TFPT: variants seen among roughly 807,000 people sequenced by gnomAD.
The protein encoded by TFPT is INO80 complex subunit F.
In TFPT, 27 loss-of-function variants were observed where a neutral mutation model predicts 28.8. The ratio of observed to expected loss-of-function variants is 0.94; its 90% CI spans 0.69 to 1.29. The LOEUF is 1.29. Among genes scored for constraint, TFPT ranks in the 50% most tolerant of loss-of-function variants. The probability of loss-of-function intolerance (pLI) is 0.00; values close to 1 mark genes in which losing one functional copy is unlikely to be tolerated. For missense variants in TFPT, 330 were observed against 338.0 expected, an observed-to-expected ratio of 0.98 and a Z score of 0.19; for synonymous variants, 152 against 142.8, an observed-to-expected ratio of 1.06 and a Z score of -0.46.
chr19:54,112,488 T>C (rs2073483283), intron 2 of TFPT, among the ~76,000 whole-genome samples: 1 of 152,028 alleles, frequency 6.6e-6, no homozygotes, highest in African/African-American at 2.4e-5. Flanking sequence ...AACTCCCCAA[T>C]ACTGTCATTA....
At chr19:54,112,675 G>C (rs1001444775) in intron 2 of TFPT, among the ~76,000 whole-genome samples, 1 of 152,080 alleles carries the variant, frequency 6.6e-6, no homozygotes, top group Non-Finnish European at 1.5e-5. Context: ...TGTAGTCCCA[G>C]CTATTTTGGG....
chr19:54,111,281 G>A (rs2073445016), intron 2 of TFPT, among the ~76,000 whole-genome samples: 1 of 152,100 alleles, frequency 6.6e-6, no homozygotes. Context: ...AGTGGCTCAC[G>A]CCTGTAATCC....
In TFPT at chr19:54,115,543, C is replaced by T; in HGVS notation, c.-274G>A. 1.7e-6 allele frequency: 1 copy of T among 584,060 alleles called. No individual in the cohort carries two copies. The highest frequency in any genetic ancestry group is 3.1e-6 in the Non-Finnish European group (1 of 327,638). The allele number at this position is 584,060 out of a possible 1,614,324, so 36.2% of individuals were successfully genotyped here. A position where few individuals can be genotyped will look rare whatever the true frequency, so the allele number is the denominator to read the frequency against. ...CAACGTCTTTCTTCTTGTCTCGACG[C>T]CCCGTCGTCCGGCCACAGCGATTCT... On this transcript the variant is annotated 5_prime_UTR_variant, in exon 1 of 6. Transcript: ENST00000391759.
At chr19:54,110,544 T>C (rs1487916950) in intron 2 of TFPT, among the ~76,000 whole-genome samples, 2 of 152,144 alleles carry the variant, frequency 1.3e-5, no homozygotes, top group East Asian at 3.9e-4. Flanking sequence ...CTGGCCAACA[T>C]GATGAAACCC....
At chr19:54,115,057 C>G in intron 1 of TFPT, 190 bp downstream of exon 1, 1 of 856,546 alleles carries the variant, frequency 1.2e-6, no homozygotes, top group Non-Finnish European at 1.8e-6. Flanking sequence ...TCTGTCAGAT[C>G]CAGCAGTCCA....
At chr19:54,108,421 G>A (rs371536769) in intron 3 of TFPT, 26 bp from the exon 4 acceptor site, 284 of 1,614,036 alleles carry the variant, frequency 1.8e-4, no homozygotes, top group Non-Finnish European at 2.0e-4. Flanking sequence ...AGCCACCAAC[G>A]GAATAACTTA....
Position 54,108,301 on chromosome 19 carries a change from A to C in TFPT, c.423+25T>G. On this transcript the variant is annotated intron_variant, in intron 4 of 5. Coordinates refer to ENST00000391759, the MANE Select transcript of TFPT (RefSeq NM_013342.4). The stretch of plus-strand genomic sequence containing the variant: ...GTGGGTCCTGAGCTCCCAGTTCCTG[A>C]CCCTCCTGGAGGCCCAACACTCACC... 3 of 1,585,410 alleles carry C rather than the reference A, an allele frequency of 1.9e-6. No homozygotes were observed. The South Asian group carries it at 3.4e-5, about 18-fold the overall frequency.
chr19:54,110,320 G>T (rs1305206935), intron 2 of TFPT, among the ~76,000 whole-genome samples, 199 bp from the exon 3 acceptor site: 1 of 151,962 alleles, frequency 6.6e-6, no homozygotes, highest in African/African-American at 2.4e-5. Context: ...GGGGCCTTCC[G>T]CGTGCTGTTC....
intron 2 of TFPT, among the ~76,000 whole-genome samples, chr19:54,113,003 G>A (rs2073496214): frequency 7.0e-6 from 1 of 143,588 alleles, no homozygotes; most frequent in Non-Finnish European, 1.5e-5. Flanking sequence ...TGAGTCAGGA[G>A]AATCACTTGA....
intron 2 of TFPT, 41 bp downstream of exon 2, chr19:54,114,401 G>A: frequency 6.3e-7 from 1 of 1,586,184 alleles, no homozygotes; most frequent in Non-Finnish European, 8.6e-7. Context: ...CGGTAGTTTA[G>A]GCCAGGGGAC....
At chr19:54,108,828 C>A in intron 3 of TFPT, 1 of 482,652 alleles carries the variant, frequency 2.1e-6, no homozygotes, top group South Asian at 2.5e-5. Context: ...TTTTCCCCAG[C>A]CCCTGCCTCC....
intron 1 of TFPT, chr19:54,114,953 G>T (rs1331234811): frequency 1.5e-6 from 1 of 666,312 alleles, no homozygotes; most frequent in Non-Finnish European, 2.5e-6. Flanking sequence ...GGATGCAAGA[G>T]TCCAGACCTC....
rs1305132820 is a variant in TFPT, at chr19:54,110,619, C to T, written c.283-498G>A. On this transcript the variant is annotated intron_variant, in intron 2 of 5. Coordinates refer to ENST00000391759, the MANE Select transcript of TFPT (RefSeq NM_013342.4). ...GGCAGGTGCCTGCAGGATAGTCGCA[C>T]GAACCTGGGAGGTGGAGGGGTGAAG... 5.3e-5 allele frequency among the ~76,000 whole-genome samples: 8 copies of T among 151,820 alleles called. No individual in the cohort carries two copies. In the East Asian group the frequency reaches 5.8e-4, roughly 11 times the overall value.
In TFPT at chr19:54,108,351, G is replaced by A; in HGVS notation, c.398C>T (p.Ala133Val). 1 of 1,610,252 alleles carries A rather than the reference G, an allele frequency of 6.2e-7. No individual in the cohort carries two copies. ...CTCCAGCACAATGGTGAACTGGCTG[G>A]CCCGGTAGTCATCCCCGTAGGAGTC... ...VLDSYGDDYR[A>V]SQFTIVLEDE... is the part of the protein sequence containing the mutation. The change falls in exon 4 of 6, where the codon GCC becomes GTC. Residue 133 changes from alanine (A) to valine (V), a missense_variant. Coordinates refer to ENST00000391759, the MANE Select transcript of TFPT (RefSeq NM_013342.4).
At position 54,110,128 on chromosome 19, in the gene TFPT, G is replaced by C. The variant is rs147098569; in HGVS notation, c.283-7C>G. 6.2e-7 allele frequency: 1 copy of C among 1,614,022 alleles called. No individual in the cohort carries two copies. The highest frequency in any genetic ancestry group is 2.2e-5 in the East Asian group (1 of 44,866). Reference sequence around the variant, plus strand: ...TCAGGACCCGCTCGTTCACCTATGGGGTGGGAAACGCCCATCAGCTGGATC... The same window carrying C: ...TCAGGACCCGCTCGTTCACCTATGGCGTGGGAAACGCCCATCAGCTGGATC... On this transcript the variant is annotated splice_polypyrimidine_tract_variant and splice_region_variant and intron_variant, in intron 2 of 5. Coordinates refer to ENST00000391759, the MANE Select transcript of TFPT (RefSeq NM_013342.4).
intron 3 of TFPT, chr19:54,108,785 T>C: frequency 3.3e-6 from 2 of 615,192 alleles, no homozygotes; most frequent in Non-Finnish European, 5.5e-6. Context: ...CTCCTCCTAA[T>C]GACCTCACCT....
intron 2 of TFPT, 58 bp downstream of exon 2, chr19:54,114,384 C>T (rs2073550377): frequency 1.9e-6 from 3 of 1,561,144 alleles, no homozygotes; most frequent in South Asian, 2.4e-5. Context: ...GCAGAGATTG[C>T]GGGGGGCGGT....
chr19:54,115,201 C>G, intron 1 of TFPT, 46 bp downstream of exon 1: 1 of 1,613,290 alleles, frequency 6.2e-7, no homozygotes, highest in Non-Finnish European at 8.5e-7. Flanking sequence ...TGCAGCTGCA[C>G]TGTTTTCTGG....
At chr19:54,113,286 G>A (rs1008202220) in intron 2 of TFPT, among the ~76,000 whole-genome samples, 5 of 151,806 alleles carry the variant, frequency 3.3e-5, no homozygotes, top group African/African-American at 9.7e-5. Context: ...AGGGTAAATT[G>A]GGACACAGAC....
Sources: allele counts gnomAD v4.1 joint callset (sites outside exome capture counted in the v4.1 genomes callset), GRCh38; gene constraint gnomAD v4.1.1; transcripts MANE v1.5; gene names NCBI Gene and HGNC (gene_info 2026-07-23, HGNC 2026-07-21).